Variants in RYR2 observed in about 807,000 individuals in gnomAD.
The protein encoded by RYR2 is ryanodine receptor 2, also known as cardiac muscle ryanodine receptor-calcium release channel.
RYR2 carries 227 observed loss-of-function variants against 601.1 expected under a neutral mutation model. The ratio of observed to expected loss-of-function variants is 0.38; its 90% CI spans 0.34 to 0.42. The LOEUF is 0.42. RYR2 is among the 10% of genes least tolerant of loss of function. RYR2 has a pLI of 1.00. For synonymous variants in RYR2, 2,223 were observed against 2,175.1 expected, an observed-to-expected ratio of 1.02 and a Z score of -0.61; for missense variants, 4,646 against 6,156.5, an observed-to-expected ratio of 0.75 and a Z score of 8.21.
chr1:237,643,165 C>T (rs1424537599), intron 47 of RYR2, among the ~76,000 whole-genome samples, 162 bp from the exon 48 acceptor site: 4 of 152,152 alleles, frequency 2.6e-5, no homozygotes, highest in South Asian at 2.1e-4. Context: ...AGTAAATATT[C>T]GCAGGTAAGC....
At chr1:237,467,635 G>A (rs923256093) in intron 16 of RYR2, among the ~76,000 whole-genome samples, 1 of 152,152 alleles carries the variant, frequency 6.6e-6, no homozygotes, top group South Asian at 2.1e-4. Flanking sequence ...CTCTTCTCAT[G>A]AAGTTGGCGT....
intron 96 of RYR2, among the ~76,000 whole-genome samples, chr1:237,796,053 G>A (rs1241947674): frequency 6.6e-6 from 1 of 151,006 alleles, no homozygotes; most frequent in Non-Finnish European, 1.5e-5. Context: ...TTTTTACTTT[G>A]TTAGAAGCAA....
At chr1:237,743,553 G>C (rs1398795005) in intron 80 of RYR2, 1 of 518,476 alleles carries the variant, frequency 1.9e-6, no homozygotes, top group East Asian at 5.5e-5. Flanking sequence ...TGTCTTCAGA[G>C]CAATTGTTTA....
chr1:237,672,516 T>A (rs541008126), intron 58 of RYR2, among the ~76,000 whole-genome samples: 2 of 152,338 alleles, frequency 1.3e-5, no homozygotes, highest in African/African-American at 4.8e-5. Flanking sequence ...CAGTGTGATA[T>A]TTGCATACAT....
chr1:237,397,042 A>T lies in RYR2; in HGVS notation c.773+8859A>T, dbSNP rs143379492. On this transcript the variant is annotated intron_variant, in intron 10 of 104. Transcript: ENST00000366574. ...CACTTTGAGAGACTGAGACAGGTGGATCACTTGAGGTCAGGAGTTCAAGAC... is the reference window on the plus strand; with the variant it reads ...CACTTTGAGAGACTGAGACAGGTGGTTCACTTGAGGTCAGGAGTTCAAGAC... Among the ~76,000 whole-genome samples the T allele has an allele frequency of 3.9e-5, 6 of 152,268 alleles. No individual in the cohort carries two copies. In the East Asian group the frequency reaches 1.2e-3, roughly 30 times the overall value.
At chr1:237,232,334 A>G (rs1287725677) in intron 1 of RYR2, among the ~76,000 whole-genome samples, 2 of 152,114 alleles carry the variant, frequency 1.3e-5, no homozygotes, top group African/African-American at 2.4e-5. Flanking sequence ...GGTTTATTCA[A>G]TCATGCCAAC....
In RYR2 at chr1:237,675,525, G is replaced by A. The variant is rs190373991; in HGVS notation, c.8830+679G>A. On this transcript the variant is annotated intron_variant, in intron 60 of 104. Transcript: ENST00000366574. ...CCTTCCAGCCACTGCGTAGTAATACGATGTAAGGAATTCCAGTTTGTTCCC... is the reference window on the plus strand; with the variant it reads ...CCTTCCAGCCACTGCGTAGTAATACAATGTAAGGAATTCCAGTTTGTTCCC... Among the ~76,000 whole-genome samples, 8 of 152,290 alleles carry A rather than the reference G, an allele frequency of 5.3e-5. No individual in the cohort carries two copies. In the East Asian group the frequency reaches 9.6e-4, roughly 18 times the overall value.
chr1:237,142,370 A>G (rs1215303667), intron 1 of RYR2, among the ~76,000 whole-genome samples: 1 of 152,262 alleles, frequency 6.6e-6, no homozygotes, highest in Admixed American at 6.5e-5. Flanking sequence ...TCTAAAGGAA[A>G]GTCAAACAAG....
intron 1 of RYR2, among the ~76,000 whole-genome samples, chr1:237,117,657 TCTTCTCTTCTCTTC>T (rs1181984240): frequency 1.2e-4 from 17 of 147,112 alleles, no homozygotes; most frequent in African/African-American, 3.8e-4. Context: ...TCTTTTCTCC[TCTTCTCTTCTCTTC>T]CTTCTCTTCT....
chr1:237,718,537 T>C lies in RYR2; in HGVS notation c.10554+16T>C, dbSNP rs370288739. 592 of 1,500,032 alleles carry C rather than the reference T, an allele frequency of 3.9e-4. 1 individual carries two copies. The highest frequency in any genetic ancestry group is 5.2e-4 in the Non-Finnish European group (559 of 1,077,696). The allele number at this position is 1,500,032 out of a possible 1,614,324, so 92.9% of individuals were successfully genotyped here. ...ACAAGGCAAGGTAAGCCAAATTTTA[T>C]TCTTAAGCCACATTTACTACCTATA... On this transcript the variant is annotated intron_variant, in intron 73 of 104. Transcript: ENST00000366574.
intron 1 of RYR2, among the ~76,000 whole-genome samples, chr1:237,164,966 T>C (rs984002384): frequency 1.3e-5 from 1 of 77,058 alleles, no homozygotes; most frequent in African/African-American, 4.4e-5. Flanking sequence ...GATTTTGTGC[T>C]GTTTATTCTT....
intron 25 of RYR2, among the ~76,000 whole-genome samples, chr1:237,541,395 A>G (rs1014274730): frequency 1.3e-5 from 2 of 152,178 alleles, no homozygotes; most frequent in African/African-American, 2.4e-5. Context: ...TTAAGTCTTG[A>G]TTCCAATGTC....
intron 1 of RYR2, among the ~76,000 whole-genome samples, chr1:237,050,198 C>A (rs1661081288): frequency 1.3e-5 from 2 of 152,172 alleles, no homozygotes; most frequent in African/African-American, 4.8e-5. Flanking sequence ...GGTGCAGGTA[C>A]TTACCACCCA....
chr1:237,068,356 T>C (rs2148301281), intron 1 of RYR2, among the ~76,000 whole-genome samples: 1 of 152,222 alleles, frequency 6.6e-6, no homozygotes, highest in South Asian at 2.1e-4. Context: ...AAAATATTAG[T>C]TTAATAGCTA....
At chr1:237,593,034 A>G (rs1675402216) in intron 32 of RYR2, among the ~76,000 whole-genome samples, 1 of 151,930 alleles carries the variant, frequency 6.6e-6, no homozygotes, top group African/African-American at 2.4e-5. Context: ...AAAAAAAAAA[A>G]AAAGTGAACA....
Position 237,705,243 on chromosome 1 carries a change from T to C in RYR2, c.9480T>C (p.Ala3160=). 1 of 1,607,914 alleles carries C rather than the reference T, an allele frequency of 6.2e-7. No homozygotes were observed. Among genetic ancestry groups the C allele is most frequent in the Non-Finnish European group, 8.5e-7 (1 of 1,176,462 alleles). ...GTTCTGCATTAGGAGAATGTCTAGC[T>C]GCCTTTGCTGGTGCTTTTCCTGTAG... is the stretch of plus-strand genomic sequence containing the variant. ...RQRSALGECL[A]AFAGAFPVAF... The change falls in exon 67 of 105, where the codon GCT becomes GCC. Residue 3160 remains alanine, a synonymous_variant. Coordinates refer to ENST00000366574, the MANE Select transcript of RYR2 (RefSeq NM_001035.3).
At chr1:237,134,399 C>T (rs1464902149) in intron 1 of RYR2, among the ~76,000 whole-genome samples, 1 of 152,136 alleles carries the variant, frequency 6.6e-6, no homozygotes, top group East Asian at 1.9e-4. Context: ...GCTGGGGAGG[C>T]CCCACAGTCA....
chr1:237,308,780 G>A (rs1211481970), intron 2 of RYR2, among the ~76,000 whole-genome samples: 5 of 152,222 alleles, frequency 3.3e-5, no homozygotes, highest in South Asian at 2.1e-4. Flanking sequence ...ACCGTGGAAA[G>A]GGACCTGAGC....
At chr1:237,166,866 T>C (rs1392192961) in intron 1 of RYR2, among the ~76,000 whole-genome samples, 1 of 152,190 alleles carries the variant, frequency 6.6e-6, no homozygotes, top group African/African-American at 2.4e-5. Context: ...GTTCAATCTC[T>C]GTACAGAAAG....
Sources: gnomAD v4.1 joint callset for allele counts (sites outside exome capture counted in the v4.1 genomes callset) on GRCh38, gnomAD v4.1.1 for gene constraint, MANE v1.5 for transcripts, NCBI Gene and HGNC (gene_info 2026-07-23, HGNC 2026-07-21) for gene names.